The following KLHL5 variants were observed in gnomAD, a reference collection of about 807,000 sequenced individuals.
The protein encoded by KLHL5 is kelch like family member 5, also known as kelch-like protein 5.
A neutral mutation model predicts 77.7 loss-of-function variants in KLHL5; 48 were observed. The observed-to-expected ratio is 0.62, with a 90% CI of 0.49 to 0.79. The LOEUF (loss-of-function observed/expected upper bound fraction) is 0.79, where lower values mean the gene tolerates loss of function less well. Ranked by LOEUF, KLHL5 falls within the 30% of genes least tolerant of loss-of-function variation. The pLI, the probability that KLHL5 is intolerant of heterozygous loss-of-function variation, is 0.00. For missense variants in KLHL5, 723 were observed against 859.7 expected, an observed-to-expected ratio of 0.84 and a Z score of 1.99; for synonymous variants, 260 against 297.0, an observed-to-expected ratio of 0.88 and a Z score of 1.28.
chr4:39,050,490 A>G (rs1429005700), intron 1 of KLHL5, among the ~76,000 whole-genome samples: 2 of 152,098 alleles, frequency 1.3e-5, no homozygotes, highest in South Asian at 2.1e-4. Flanking sequence ...CTGCACATGT[A>G]TTTCTTTCTT....
At chr4:39,055,361 G>T (rs1560403444) in intron 1 of KLHL5, among the ~76,000 whole-genome samples, 1 of 152,200 alleles carries the variant, frequency 6.6e-6, no homozygotes, top group Non-Finnish European at 1.5e-5. Flanking sequence ...ACAGACCACT[G>T]GTCTAATGGA....
intron 10 of KLHL5, among the ~76,000 whole-genome samples, chr4:39,118,746 A>G (rs1723021604): frequency 6.6e-6 from 1 of 151,826 alleles, no homozygotes; most frequent in South Asian, 2.1e-4. Flanking sequence ...ACAAGAGCAA[A>G]ACTCCCTCTC....
chr4:39,122,758 T>A lies in KLHL5; in HGVS notation c.*1692T>A, dbSNP rs535140708. 1.2e-3 allele frequency among the ~76,000 whole-genome samples: 178 copies of A among 151,808 alleles called. No individual in the cohort carries two copies. The highest frequency in any genetic ancestry group is 4.0e-3 in the African/African-American group (167 of 41,400). On this transcript the variant is annotated 3_prime_UTR_variant, in exon 11 of 11. Coordinates refer to ENST00000504108, the MANE Select transcript of KLHL5 (RefSeq NM_015990.5). ...AACCCAGGAGGAGGAGCTTGCAGTG[T>A]GCCAAGATCGCACCACTGCACTCCA...
At chr4:39,116,112 C>G (rs1722817802) in intron 10 of KLHL5, 2 of 796,964 alleles carry the variant, frequency 2.5e-6, no homozygotes, top group Admixed American at 1.2e-4. Context: ...GCGGGCAGAT[C>G]ACGAGGTCAG....
rs776954830 is a variant in KLHL5, at chr4:39,082,042, A to G, written c.783A>G (p.Glu261=). The change falls in exon 4 of 11, where the codon GAA becomes GAG. Residue 261 remains glutamate, a synonymous_variant. Coordinates refer to ENST00000504108, the MANE Select transcript of KLHL5 (RefSeq NM_015990.5). ...ACLLQLSQVV[E]ACCKFLMKQL... The stretch of plus-strand genomic sequence containing the variant: ...TTCTTCAGCTTTCACAGGTTGTAGA[A>G]GCATGCTGTAAGTTTTTAATGAAAC... 1 of 1,613,972 alleles carries G rather than the reference A, an allele frequency of 6.2e-7. No individual in the cohort carries two copies. The highest frequency in any genetic ancestry group is 8.5e-7 in the Non-Finnish European group (1 of 1,179,894).
chr4:39,076,677 A>C (rs1719073385), intron 2 of KLHL5, among the ~76,000 whole-genome samples: 1 of 152,064 alleles, frequency 6.6e-6, no homozygotes, highest in African/African-American at 2.4e-5. Context: ...TTAATAAAGA[A>C]TAATTCATTT....
intron 1 of KLHL5, among the ~76,000 whole-genome samples, chr4:39,053,023 G>T (rs2566119): frequency 0.73 from 111,039 of 152,118 alleles, 40,662 homozygotes; most frequent in East Asian, 0.82. Context: ...TATTGAACAG[G>T]TTATTGGTGG....
chr4:39,117,215 G>A (rs9998481), intron 10 of KLHL5, among the ~76,000 whole-genome samples: 79,709 of 151,824 alleles, frequency 0.53, 21,527 homozygotes, highest in Non-Finnish European at 0.59. Context: ...GCGGAAGATC[G>A]CTTGAGCCCA....
At chr4:39,088,035 G>A (rs899417522) in intron 5 of KLHL5, among the ~76,000 whole-genome samples, 1 of 152,094 alleles carries the variant, frequency 6.6e-6, no homozygotes, top group African/African-American at 2.4e-5. Flanking sequence ...ATAATAAAAT[G>A]TTTCTCTTGA....
chr4:39,083,406 TCA>T (rs1324627123), intron 4 of KLHL5, among the ~76,000 whole-genome samples: 1 of 152,166 alleles, frequency 6.6e-6, no homozygotes, highest in Non-Finnish European at 1.5e-5. Flanking sequence ...ACAAAAGCAC[TCA>T]CAAAACCACA....
At chr4:39,109,737 C>T (rs1722318855) in intron 8 of KLHL5, among the ~76,000 whole-genome samples, 1 of 151,326 alleles carries the variant, frequency 6.6e-6, no homozygotes, top group African/African-American at 2.4e-5. Flanking sequence ...CTGCACCCTC[C>T]ACCTCCTGGG....
chr4:39,098,629 T>A (rs1223253176), intron 6 of KLHL5, among the ~76,000 whole-genome samples: 1 of 151,346 alleles, frequency 6.6e-6, no homozygotes, highest in African/African-American at 2.4e-5. Context: ...AGTGGCATGA[T>A]CTCGGCTCAC....
chr4:39,077,828 A>G (rs1369720971), intron 2 of KLHL5, among the ~76,000 whole-genome samples: 1 of 152,186 alleles, frequency 6.6e-6, no homozygotes, highest in East Asian at 1.9e-4. Context: ...TTTGCACACA[A>G]GTTTATAGCA....
intron 4 of KLHL5, among the ~76,000 whole-genome samples, chr4:39,082,703 G>A (rs1448452229): frequency 2.0e-5 from 3 of 152,144 alleles, no homozygotes; most frequent in Admixed American, 1.3e-4. Flanking sequence ...ATGATAAAAC[G>A]AAATAATCTG....
At chr4:39,088,119 T>C (rs958929636) in intron 5 of KLHL5, among the ~76,000 whole-genome samples, 1 of 152,246 alleles carries the variant, frequency 6.6e-6, no homozygotes, top group Non-Finnish European at 1.5e-5. Context: ...CTAGATGAAA[T>C]CAAACCGAAT....
chr4:39,086,904 C>CCTTTT (rs1553890723), intron 5 of KLHL5, among the ~76,000 whole-genome samples, 177 bp downstream of exon 5: 2 of 78,346 alleles, frequency 2.6e-5, no homozygotes, highest in Non-Finnish European at 4.5e-5. Flanking sequence ...AAGTAACATT[C>CCTTTT]TTTTTTTTTT....
chr4:39,096,949 C>T (rs1249537709), intron 6 of KLHL5, 71 bp downstream of exon 6: 1 of 1,264,806 alleles, frequency 7.9e-7, no homozygotes, highest in East Asian at 2.3e-5. Flanking sequence ...TATATATGGC[C>T]AAAGAACTCT....
the KLHL5 span, among the ~76,000 whole-genome samples, chr4:39,136,424 T>G: frequency 2.6e-5 from 4 of 152,198 alleles, no homozygotes; most frequent in African/African-American, 4.8e-5. Context: ...CCTCCCAAAG[T>G]GCTGCGATTA....
intron 1 of KLHL5, among the ~76,000 whole-genome samples, chr4:39,048,079 G>T (rs1716332190): frequency 6.6e-6 from 1 of 152,196 alleles, no homozygotes; most frequent in African/African-American, 2.4e-5. Context: ...GAGAACAAAT[G>T]AAATAATGTA....
Sources: gnomAD v4.1 joint callset for allele counts (sites outside exome capture counted in the v4.1 genomes callset) on GRCh38, gnomAD v4.1.1 for gene constraint, MANE v1.5 for transcripts, NCBI Gene and HGNC (gene_info 2026-07-23, HGNC 2026-07-21) for gene names.